Variants in ADGRL3 observed in about 807,000 individuals in gnomAD.
ADGRL3 encodes the protein calcium-independent alpha-latrotoxin receptor 3.
ADGRL3 carries 62 observed loss-of-function variants against 153.5 expected under a neutral mutation model. That is an observed-to-expected ratio of 0.40 (90% CI 0.33 to 0.50). ADGRL3 has a LOEUF of 0.50. Ranked by LOEUF, ADGRL3 falls within the 20% of genes least tolerant of loss-of-function variation. ADGRL3 has a pLI of 0.47. For missense variants in ADGRL3, 1,641 were observed against 1,859.4 expected, an observed-to-expected ratio of 0.88 and a Z score of 2.16; for synonymous variants, 710 against 672.5, an observed-to-expected ratio of 1.06 and a Z score of -0.86.
At chr4:61,893,045 T>C in intron 10 of ADGRL3, 87 bp downstream of exon 10, 2 of 758,270 alleles carry the variant, frequency 2.6e-6, no homozygotes, top group Non-Finnish European at 3.7e-6. Context: ...CTTCCTCCTT[T>C]CCTCCCTCCC....
At chr4:61,935,111 T>G in intron 14 of ADGRL3, 88 bp downstream of exon 14, 1 of 1,045,220 alleles carries the variant, frequency 9.6e-7, no homozygotes, top group Non-Finnish European at 1.4e-6. Flanking sequence ...GTCCTAGATA[T>G]GAGTGATGCT....
chr4:61,724,900 T>C (rs2096300584), intron 6 of ADGRL3, among the ~76,000 whole-genome samples: 1 of 152,198 alleles, frequency 6.6e-6, no homozygotes, highest in South Asian at 2.1e-4. Context: ...TTGTTTCCAG[T>C]TATAAGAGAA....
In ADGRL3 at chr4:62,070,295, A is replaced by G. The variant is rs1367866439; in HGVS notation, c.4019A>G (p.Asn1340Ser). Residue 1340 changes from asparagine (N) to serine (S), a missense_variant, in exon 27 of 27, where the codon AAC becomes AGC. Coordinates refer to ENST00000683033, the MANE Select transcript of ADGRL3 (RefSeq NM_001387552.1). Reference sequence around the variant, plus strand: ...AAGATTCTGAAGGAACTCACTTCCAACTATATCCCTTCTTACCTGAACAAC... The same window carrying G: ...AAGATTCTGAAGGAACTCACTTCCAGCTATATCCCTTCTTACCTGAACAAC... ...EKKILKELTS[N>S]YIPSYLNNHE... 38 of 1,570,926 alleles carry G rather than the reference A, an allele frequency of 2.4e-5. No homozygotes were observed. Among genetic ancestry groups the G allele is most frequent in the Non-Finnish European group, 3.2e-5 (37 of 1,156,572 alleles).
intron 1 of ADGRL3, among the ~76,000 whole-genome samples, chr4:61,213,131 T>C (rs73212239): frequency 1.1e-3 from 164 of 152,272 alleles, no homozygotes; most frequent in African/African-American, 3.8e-3. Context: ...AGTAATGGGG[T>C]ATGAAAGAAA....
At chr4:61,770,593 G>A (rs2097072786) in intron 8 of ADGRL3, among the ~76,000 whole-genome samples, 1 of 152,168 alleles carries the variant, frequency 6.6e-6, no homozygotes, top group Non-Finnish European at 1.5e-5. Context: ...ATGAACAGGA[G>A]AGATTTGGGG....
At chr4:61,890,108 A>T (rs1451222128) in intron 9 of ADGRL3, among the ~76,000 whole-genome samples, 3 of 152,178 alleles carry the variant, frequency 2.0e-5, no homozygotes, top group African/African-American at 7.2e-5. Context: ...AACTGCTATG[A>T]ATCTCCATTT....
At chr4:61,477,675 C>A (rs1325950724) in intron 2 of ADGRL3, among the ~76,000 whole-genome samples, 1 of 152,066 alleles carries the variant, frequency 6.6e-6, no homozygotes, top group East Asian at 1.9e-4. Flanking sequence ...CACTTGTCTT[C>A]AGGGATTTAA....
chr4:61,403,032 A>G (rs1390003990), intron 2 of ADGRL3, among the ~76,000 whole-genome samples: 2 of 114,508 alleles, frequency 1.7e-5, no homozygotes, highest in African/African-American at 5.7e-5. Flanking sequence ...CCTTCTCACT[A>G]TATCCCCACC....
At chr4:62,018,177 A>G (rs753807919) in intron 21 of ADGRL3, among the ~76,000 whole-genome samples, 23 of 152,162 alleles carry the variant, frequency 1.5e-4, no homozygotes, top group Non-Finnish European at 3.1e-4. Context: ...CTAGATCTTA[A>G]TAGACATCCC....
At chr4:62,025,101 T>A (rs965707253) in intron 21 of ADGRL3, among the ~76,000 whole-genome samples, 1 of 152,110 alleles carries the variant, frequency 6.6e-6, no homozygotes, top group African/African-American at 2.4e-5. Context: ...TATAACCATT[T>A]GATTGAACAT....
chr4:61,518,963 T>C (rs2098514284), intron 4 of ADGRL3, among the ~76,000 whole-genome samples: 1 of 152,194 alleles, frequency 6.6e-6, no homozygotes. Context: ...TCATCATAAC[T>C]TTGTCTTATG....
At chr4:61,696,248 A>G (rs2095640503) in intron 6 of ADGRL3, among the ~76,000 whole-genome samples, 1 of 152,184 alleles carries the variant, frequency 6.6e-6, no homozygotes, top group Non-Finnish European at 1.5e-5. Flanking sequence ...TCATTTCTGA[A>G]TCTGCATATG....
At chr4:61,816,518 A>G (rs1580971503) in intron 9 of ADGRL3, among the ~76,000 whole-genome samples, 1 of 152,356 alleles carries the variant, frequency 6.6e-6, no homozygotes, top group African/African-American at 2.4e-5. Context: ...CCCTTGATTG[A>G]GGAGCCACAC....
At chr4:61,319,886 G>T (rs182516775) in intron 1 of ADGRL3, among the ~76,000 whole-genome samples, 1 of 152,078 alleles carries the variant, frequency 6.6e-6, no homozygotes, top group East Asian at 1.9e-4. Flanking sequence ...TTCTCCTCTG[G>T]TATGTACTGA....
intron 21 of ADGRL3, among the ~76,000 whole-genome samples, chr4:62,005,334 T>C (rs2099153774): frequency 6.6e-6 from 1 of 152,196 alleles, no homozygotes; most frequent in African/African-American, 2.4e-5. Flanking sequence ...GGTTTATGCA[T>C]AAGTGTATTT....
intron 1 of ADGRL3, among the ~76,000 whole-genome samples, chr4:61,279,026 ATGT>A (rs1560418442): frequency 6.6e-6 from 1 of 152,208 alleles, no homozygotes; most frequent in African/African-American, 2.4e-5. Flanking sequence ...TGCTTTAAAC[ATGT>A]TGTTGCTCTA....
rs2097568190 is a variant in ADGRL3 at position 61,445,131 on chromosome 4, C to T, written c.-173-51990C>T. Among the ~76,000 whole-genome samples, 3 of 152,034 alleles carry T rather than the reference C, an allele frequency of 2.0e-5. No individual in the cohort carries two copies. In the South Asian group the frequency reaches 6.2e-4, roughly 31 times the overall value. On this transcript the variant is annotated intron_variant, in intron 2 of 26. Transcript: ENST00000683033. ...TTGAATCTCTCCATTATTTCAGATACTCTCTATACATTATCTTATGTAATC... is the reference window on the plus strand; with the variant it reads ...TTGAATCTCTCCATTATTTCAGATATTCTCTATACATTATCTTATGTAATC...
rs77264837 is a variant in ADGRL3 at position 61,388,470 on chromosome 4, C to T, written c.-174+5281C>T. Among the ~76,000 whole-genome samples, 1,029 of 152,284 alleles carry T rather than the reference C, an allele frequency of 6.8e-3. 18 individuals carry two copies. The highest frequency in any genetic ancestry group is 0.023 in the African/African-American group (969 of 41,558). The stretch of plus-strand genomic sequence containing the variant: ...AAATCCTATGCAGTAACATCATTCT[C>T]ACAGAAGTTTGGGTTAATGGCTCCA... On this transcript the variant is annotated intron_variant, in intron 2 of 26. Coordinates refer to ENST00000683033, the MANE Select transcript of ADGRL3 (RefSeq NM_001387552.1).
At chr4:61,845,805 A>C (rs2098110573) in intron 9 of ADGRL3, among the ~76,000 whole-genome samples, 1 of 152,292 alleles carries the variant, frequency 6.6e-6, no homozygotes, top group Non-Finnish European at 1.5e-5. Flanking sequence ...GAGAAAAATC[A>C]GAAATTAATA....
Sources: allele counts gnomAD v4.1 joint callset (sites outside exome capture counted in the v4.1 genomes callset), GRCh38; gene constraint gnomAD v4.1.1; transcripts MANE v1.5; gene names NCBI Gene and HGNC (gene_info 2026-07-23, HGNC 2026-07-21).